INVS: variants seen among roughly 807,000 people sequenced by gnomAD.
INVS encodes inversion of embryo turning homolog.
A neutral mutation model predicts 108.8 loss-of-function variants in INVS; 86 were observed. That is an observed-to-expected ratio of 0.79 (90% confidence interval 0.66 to 0.95). The LOEUF (loss-of-function observed/expected upper bound fraction) is 0.95, where lower values mean the gene tolerates loss of function less well. Among genes scored for constraint, INVS ranks in the 40% least tolerant of loss-of-function variants. INVS has a pLI of 0.00. For synonymous variants in INVS, 455 were observed against 473.5 expected (o/e 0.96, Z 0.51); for missense variants, 1,169 against 1,297.4 (o/e 0.90, Z 1.52).
In INVS at chr9:100,100,835, AAT is replaced by A. The variant is rs1309464597; in HGVS notation, c.-25+1429_-25+1430del. Among the ~76,000 whole-genome samples, 401 of 7,788 alleles carry A rather than the reference AAT, an allele frequency of 0.051. 134 individuals carry two copies. The Middle Eastern group carries it at 0.67, about 13-fold the overall frequency. The allele number at this position is 7,788 out of a possible 152,430, so 5.1% of individuals were successfully genotyped here. A position where few individuals can be genotyped will look rare whatever the true frequency, so the allele number is the denominator to read the frequency against. ...TAATATATATAATATATGTATATATAATATATATATAATATATGTATATATAA... is the reference window on the plus strand; with the variant it reads ...TAATATATATAATATATGTATATATAATATATATAATATATGTATATATAA... On this transcript the variant is annotated intron_variant, in intron 1 of 16. Transcript: ENST00000262457.
At chr9:100,156,324 G>C (rs567570075) in intron 3 of INVS, among the ~76,000 whole-genome samples, 1 of 148,464 alleles carries the variant, frequency 6.7e-6, no homozygotes, top group African/African-American at 2.5e-5. Context: ...GCAGTGGTGC[G>C]GTCTCGGCTC....
chr9:100,196,597 G>C (rs1245998380), intron 3 of INVS, among the ~76,000 whole-genome samples: 2 of 151,556 alleles, frequency 1.3e-5, no homozygotes, highest in Admixed American at 6.6e-5. Flanking sequence ...TCCCTGAAAG[G>C]GGTCGCTGTT....
chr9:100,156,422 G>A (rs1404989850), intron 3 of INVS, among the ~76,000 whole-genome samples: 2 of 151,724 alleles, frequency 1.3e-5, no homozygotes, highest in Admixed American at 6.6e-5. Flanking sequence ...CACTGCACCT[G>A]GCTATTTTTT....
chr9:100,107,407 C>G (rs1827213824), intron 2 of INVS, among the ~76,000 whole-genome samples: 1 of 152,084 alleles, frequency 6.6e-6, no homozygotes, highest in Non-Finnish European at 1.5e-5. Flanking sequence ...TTGTCATTTT[C>G]CTGCTCAAAA....
rs568230947 is a variant in INVS at position 100,170,276 on chromosome 9, G to C, written c.273+43727G>C. Among the ~76,000 whole-genome samples, 383 of 151,914 alleles carry C rather than the reference G, an allele frequency of 2.5e-3. 18 individuals carry two copies. In the South Asian group the frequency reaches 0.076, roughly 30 times the overall value. ...TTACTCATAGGAAATGGTAAGGTCA[G>C]CCAAACACAATGGCTCACATCTATA... On this transcript the variant is annotated intron_variant, in intron 3 of 16. Transcript: ENST00000262457.
chr9:100,117,601 G>A (rs1186291429), intron 2 of INVS: 5 of 620,134 alleles, frequency 8.1e-6, no homozygotes, highest in Admixed American at 5.5e-5. Context: ...CAGGGCCTCC[G>A]GCCCCCCGCC....
intron 2 of INVS, chr9:100,116,636 A>G (rs951502662): frequency 4.8e-5 from 16 of 332,056 alleles, no homozygotes; most frequent in African/African-American, 1.9e-4. Context: ...TCTGCCTAAC[A>G]CAAAATCAGG....
At chr9:100,126,665 T>G in intron 3 of INVS, 116 bp downstream of exon 3, 3 of 972,206 alleles carry the variant, frequency 3.1e-6, no homozygotes, top group Non-Finnish European at 4.8e-6. Context: ...ACTCATAGGT[T>G]TTATATATTT....
chr9:100,174,498 A>G (rs1441209084), intron 3 of INVS, among the ~76,000 whole-genome samples: 1 of 152,202 alleles, frequency 6.6e-6, no homozygotes, highest in Non-Finnish European at 1.5e-5. Context: ...TTACAAAGAT[A>G]GGAGAGAGAG....
At chr9:100,197,602 C>T (rs1297616268) in intron 3 of INVS, among the ~76,000 whole-genome samples, 1 of 152,102 alleles carries the variant, frequency 6.6e-6, no homozygotes. Flanking sequence ...CCTTTTGGGC[C>T]TTTTATGGAG....
At chr9:100,107,289 A>G (rs1259585918) in intron 2 of INVS, among the ~76,000 whole-genome samples, 1 of 152,184 alleles carries the variant, frequency 6.6e-6, no homozygotes, top group Non-Finnish European at 1.5e-5. Flanking sequence ...TTGTGGTTTT[A>G]CCACCTACAT....
intron 3 of INVS, among the ~76,000 whole-genome samples, chr9:100,148,445 G>A (rs990747939): frequency 6.6e-6 from 1 of 152,134 alleles, no homozygotes; most frequent in Non-Finnish European, 1.5e-5. Context: ...ACATGTTTGA[G>A]CAAGACTGGG....
At chr9:100,252,152 A>G (rs907686265) in intron 8 of INVS, 131 bp from the exon 9 acceptor site, 8 of 1,050,624 alleles carry the variant, frequency 7.6e-6, no homozygotes, top group African/African-American at 1.6e-5. Context: ...AAAATAAATT[A>G]GTGAATCCTT....
chr9:100,241,888 C>T (rs760751231), intron 6 of INVS, among the ~76,000 whole-genome samples: 50 of 152,112 alleles, frequency 3.3e-4, no homozygotes, highest in Non-Finnish European at 1.3e-4. Context: ...TTCAGGTTTC[C>T]TACGTATGCT....
At chr9:100,240,833 C>T (rs945023637) in intron 6 of INVS, among the ~76,000 whole-genome samples, 11 of 151,596 alleles carry the variant, frequency 7.3e-5, no homozygotes, top group Non-Finnish European at 1.2e-4. Flanking sequence ...TTCAGCTTAA[C>T]GTTTTGTTTT....
Position 100,284,354 on chromosome 9 carries a change from G to T in INVS, c.1819G>T (p.Glu607Ter). The T allele has an allele frequency of 1.9e-6, 3 of 1,613,508 alleles. No homozygotes were observed. The South Asian group carries it at 3.3e-5, about 18-fold the overall frequency. Residue 607 changes from glutamate to a stop codon, truncating the protein, a stop_gained, in exon 13 of 17, where the codon GAA becomes TAA. Transcript: ENST00000262457. LOFTEE classifies it high-confidence loss of function. The stretch of plus-strand genomic sequence containing the variant: ...GGAAGAAAACAAACGAAAAGAGGCA[G>T]AACAGCAAAAAGGAAGGCGGAGCCC... Reference protein sequence around the residue: ...REEENKRKEAEQQKGRRSPDS... With the variant: ...REEENKRKEA
Position 100,170,989 on chromosome 9 carries a change from G to C in INVS, c.273+44440G>C, listed in dbSNP as rs546819469. ...AAGAGAGGCATCTAAGCCATCCTGG[G>C]GTGTTGTGGTGAAGAATGGCTTCCT... On this transcript the variant is annotated intron_variant, in intron 3 of 16. Coordinates refer to ENST00000262457, the MANE Select transcript of INVS (RefSeq NM_014425.5). Among the ~76,000 whole-genome samples, 7 of 152,304 alleles carry C rather than the reference G, an allele frequency of 4.6e-5. No individual in the cohort carries two copies. In the East Asian group the frequency reaches 1.2e-3, roughly 25 times the overall value.
chr9:100,209,769 C>CAAAAAA (rs58556710), intron 3 of INVS, among the ~76,000 whole-genome samples: 1 of 72,288 alleles, frequency 1.4e-5, no homozygotes, highest in African/African-American at 4.7e-5. Context: ...GACTCCGTCT[C>CAAAAAA]AAAAAAAAAA....
intron 3 of INVS, among the ~76,000 whole-genome samples, chr9:100,198,227 T>G (rs1203567315): frequency 6.8e-6 from 1 of 147,418 alleles, no homozygotes; most frequent in South Asian, 2.2e-4. Context: ...TTCCTCAACT[T>G]TAATGGTGTT....
Sources: gnomAD v4.1 joint callset for allele counts (sites outside exome capture counted in the v4.1 genomes callset) on GRCh38, gnomAD v4.1.1 for gene constraint, MANE v1.5 for transcripts, NCBI Gene and HGNC (gene_info 2026-07-23, HGNC 2026-07-21) for gene names.